Variants in RALGPS2 observed in about 807,000 individuals in gnomAD.
RALGPS2 encodes the protein ras-specific guanine nucleotide-releasing factor RalGPS2.
RALGPS2 carries 43 observed loss-of-function variants against 86.8 expected under a neutral mutation model. The ratio of observed to expected loss-of-function variants is 0.50; its 90% CI spans 0.39 to 0.64. The LOEUF (loss-of-function observed/expected upper bound fraction) is 0.64, where lower values mean the gene tolerates loss of function less well. RALGPS2 is among the 30% of genes least tolerant of loss of function. The pLI is 0.00. For synonymous variants in RALGPS2, 243 were observed against 231.3 expected, an observed-to-expected ratio of 1.05 and a Z score of -0.46; for missense variants, 536 against 694.6, an observed-to-expected ratio of 0.77 and a Z score of 2.57.
At chr1:178,865,656 C>G in intron 8 of RALGPS2, 5 of 1,614,062 alleles carry the variant, frequency 3.1e-6, no homozygotes, top group Non-Finnish European at 4.2e-6. Flanking sequence ...TCTTTACCAT[C>G]TGTGGCACGA....
rs897321533 is a variant in RALGPS2 at position 178,889,529 on chromosome 1, A to G, written c.1193-113A>G. The G allele has an allele frequency of 1.3e-5, 10 of 761,646 alleles. No homozygotes were observed. In the Admixed American group the frequency reaches 2.2e-4, roughly 17 times the overall value. 47.2% of individuals were successfully genotyped at this position (761,646 alleles called of 1,614,324 possible). ...AATTAATATGTGGATATGTTCATCT[A>G]CAATGCGATTGTCATTTTATGAGCA... On this transcript the variant is annotated intron_variant, in intron 13 of 19. Transcript: ENST00000367635.
intron 2 of RALGPS2, among the ~76,000 whole-genome samples, chr1:178,777,060 C>T (rs1013235099): frequency 1.3e-5 from 2 of 151,060 alleles, no homozygotes; most frequent in Non-Finnish European, 2.9e-5. Context: ...ACTAACTCGT[C>T]ATCTAGCATT....
chr1:178,757,188 T>C (rs1490247211), intron 1 of RALGPS2, among the ~76,000 whole-genome samples: 1 of 152,192 alleles, frequency 6.6e-6, no homozygotes, highest in African/African-American at 2.4e-5. Flanking sequence ...ATTTATTGGT[T>C]GTAGGAGCCC....
chr1:178,754,961 G>C (rs1459316889), intron 1 of RALGPS2, among the ~76,000 whole-genome samples: 1 of 152,068 alleles, frequency 6.6e-6, no homozygotes, highest in Non-Finnish European at 1.5e-5. Context: ...CACCATGCCT[G>C]GCTGATTTTT....
intron 8 of RALGPS2, among the ~76,000 whole-genome samples, chr1:178,868,811 TTAAA>T (rs1279659408): frequency 3.3e-5 from 5 of 151,960 alleles, no homozygotes; most frequent in Non-Finnish European, 1.5e-5. Context: ...AGTTTAGTTT[TTAAA>T]TAAATATAAT....
intron 18 of RALGPS2, among the ~76,000 whole-genome samples, 183 bp from the exon 19 acceptor site, chr1:178,906,593 C>T (rs575599203): frequency 1.4e-4 from 21 of 151,878 alleles, no homozygotes; most frequent in African/African-American, 5.1e-4. Context: ...TGTGTTGCAT[C>T]GAGAACTCTT....
intron 13 of RALGPS2, among the ~76,000 whole-genome samples, chr1:178,886,968 A>G (rs946282775): frequency 7.2e-5 from 11 of 152,116 alleles, no homozygotes; most frequent in African/African-American, 2.7e-4. Flanking sequence ...GTGTCAGGGC[A>G]TGGCCTGGAT....
chr1:178,896,575 G>A (rs113371871), intron 16 of RALGPS2, among the ~76,000 whole-genome samples: 4 of 146,982 alleles, frequency 2.7e-5, no homozygotes, highest in East Asian at 2.0e-4. Flanking sequence ...CCACTAACTC[G>A]TCATCTAGCA....
intron 8 of RALGPS2, among the ~76,000 whole-genome samples, chr1:178,856,102 G>A (rs1362908984): frequency 6.8e-6 from 1 of 147,998 alleles, no homozygotes; most frequent in East Asian, 2.0e-4. Flanking sequence ...GTACGATAAG[G>A]ATAATAGTTT....
At chr1:178,819,028 G>T (rs1342472780) in intron 6 of RALGPS2, among the ~76,000 whole-genome samples, 1 of 143,172 alleles carries the variant, frequency 7.0e-6, no homozygotes, top group African/African-American at 2.6e-5. Flanking sequence ...TTGCTGGGTT[G>T]CCCAGGCTAG....
At chr1:178,820,772 A>G (rs989074228) in intron 6 of RALGPS2, among the ~76,000 whole-genome samples, 1 of 152,192 alleles carries the variant, frequency 6.6e-6, no homozygotes, top group African/African-American at 2.4e-5. Context: ...GTTAGATTAT[A>G]TAACCTTGGA....
intron 4 of RALGPS2, among the ~76,000 whole-genome samples, chr1:178,798,118 A>G (rs1654294526): frequency 1.3e-5 from 2 of 152,188 alleles, no homozygotes; most frequent in Non-Finnish European, 2.9e-5. Context: ...ATATATCCAA[A>G]TGTATTAAGA....
intron 10 of RALGPS2, among the ~76,000 whole-genome samples, chr1:178,882,635 G>A (rs533131409): frequency 3.9e-5 from 6 of 152,230 alleles, no homozygotes; most frequent in Non-Finnish European, 8.8e-5. Flanking sequence ...GACAGACTCC[G>A]CAATATTAAG....
chr1:178,823,616 C>T (rs1655613367), intron 7 of RALGPS2, among the ~76,000 whole-genome samples: 1 of 151,900 alleles, frequency 6.6e-6, no homozygotes, highest in Non-Finnish European at 1.5e-5. Flanking sequence ...GTAAAAAGGC[C>T]CAGATACATT....
chr1:178,785,637 A>G (rs750245793), intron 4 of RALGPS2, 30 bp downstream of exon 4: 78 of 1,546,228 alleles, frequency 5.0e-5, no homozygotes, highest in Non-Finnish European at 5.2e-5. Context: ...TTCCTTTTAA[A>G]TATAGAAAAC....
chr1:178,797,130 T>G (rs1654230726), intron 4 of RALGPS2, among the ~76,000 whole-genome samples: 1 of 152,228 alleles, frequency 6.6e-6, no homozygotes, highest in Admixed American at 6.5e-5. Flanking sequence ...TTGAGTTTAC[T>G]TCAACCTTTT....
At chr1:178,908,443 C>T (rs1224614378) in intron 19 of RALGPS2, among the ~76,000 whole-genome samples, 1 of 152,180 alleles carries the variant, frequency 6.6e-6, no homozygotes, top group Admixed American at 6.5e-5. Flanking sequence ...TGGGTATATG[C>T]TCAGTAATGG....
At chr1:178,771,382 A>T (rs1342922560) in intron 1 of RALGPS2, among the ~76,000 whole-genome samples, 6 of 152,140 alleles carry the variant, frequency 3.9e-5, no homozygotes, top group Non-Finnish European at 8.8e-5. Context: ...CTCAGATTAG[A>T]CTTGTCCATG....
intron 5 of RALGPS2, among the ~76,000 whole-genome samples, chr1:178,809,765 A>G (rs570693060): frequency 4.6e-5 from 7 of 152,130 alleles, no homozygotes; most frequent in Admixed American, 2.0e-4. Context: ...AGGGCTCTCC[A>G]AGAGAATGTT....
Sources: gnomAD v4.1 joint callset for allele counts (sites outside exome capture counted in the v4.1 genomes callset) on GRCh38, gnomAD v4.1.1 for gene constraint, MANE v1.5 for transcripts, NCBI Gene and HGNC (gene_info 2026-07-23, HGNC 2026-07-21) for gene names.